The following HECA variants were observed in gnomAD, a reference collection of about 807,000 sequenced individuals.
The protein encoded by HECA is HECA ribonucleoprotein granule regulator, also known as headcase protein homolog.
A neutral mutation model predicts 37.6 loss-of-function variants in HECA; 13 were observed. The observed-to-expected ratio is 0.35, with a 90% CI of 0.23 to 0.55. HECA has a LOEUF of 0.55. Ranked by LOEUF, HECA falls within the 20% of genes least tolerant of loss-of-function variation. The probability of loss-of-function intolerance (pLI) is 0.90; values close to 1 mark genes in which losing one functional copy is unlikely to be tolerated. For synonymous variants in HECA, 307 were observed against 291.5 expected, an observed-to-expected ratio of 1.05 and a Z score of -0.54; for missense variants, 527 against 701.9, an observed-to-expected ratio of 0.75 and a Z score of 2.82.
intron 1 of HECA, among the ~76,000 whole-genome samples, chr6:139,161,213 G>C: frequency 6.6e-6 from 1 of 152,154 alleles, no homozygotes; most frequent in East Asian, 1.9e-4. Flanking sequence ...CATTTTGCCT[G>C]TCTCCCTGGG....
At position 139,179,088 on chromosome 6, in the gene HECA, G is replaced by C. The variant is rs1775097251; in HGVS notation, c.*1983G>C. 6.6e-6 allele frequency: 1 copy of C among 152,142 alleles called. No individual in the cohort carries two copies. Among genetic ancestry groups the C allele is most frequent in the South Asian group, 2.1e-4 (1 of 4,830 alleles). The allele number at this position is 152,142 out of a possible 1,614,324, so 9.4% of individuals were successfully genotyped here. ...GAAAGTCATTGAACTGACAGTGTTT[G>C]ATGCAACTAAAAGAGGATTGTAAGA... On this transcript the variant is annotated 3_prime_UTR_variant, in exon 4 of 4. Coordinates refer to ENST00000367658, the MANE Select transcript of HECA (RefSeq NM_016217.3).
At chr6:139,162,910 C>T (rs899686589) in intron 1 of HECA, among the ~76,000 whole-genome samples, 8 of 152,132 alleles carry the variant, frequency 5.3e-5, no homozygotes, top group Admixed American at 2.6e-4. Flanking sequence ...TAAGGCTCAG[C>T]CTCTGCTGTC....
intron 1 of HECA, among the ~76,000 whole-genome samples, chr6:139,137,460 T>C (rs1342742395): frequency 2.0e-5 from 3 of 152,184 alleles, no homozygotes; most frequent in Non-Finnish European, 2.9e-5. Flanking sequence ...TGAACAATGA[T>C]GACAGCTTTC....
chr6:139,140,503 T>C (rs986757861), intron 1 of HECA, among the ~76,000 whole-genome samples: 25 of 152,356 alleles, frequency 1.6e-4, no homozygotes, highest in Non-Finnish European at 2.8e-4. Flanking sequence ...TGGTGCTCTA[T>C]GCGCAGTCTC....
intron 1 of HECA, among the ~76,000 whole-genome samples, chr6:139,150,747 G>C (rs571307790): frequency 6.6e-6 from 1 of 151,946 alleles, no homozygotes; most frequent in Non-Finnish European, 1.5e-5. Flanking sequence ...TTTGAGAATG[G>C]TCATACCATA....
chr6:139,176,827 A>G lies in HECA; in HGVS notation c.1468-114A>G, dbSNP rs1297500379. 1 of 682,344 alleles carries G rather than the reference A, an allele frequency of 1.5e-6. No individual in the cohort carries two copies. The highest frequency in any genetic ancestry group is 1.8e-5 in the African/African-American group (1 of 56,330). 42.3% of individuals were successfully genotyped at this position (682,344 alleles called of 1,614,324 possible). Reference sequence around the variant, plus strand: ...CCCCGTTTCCATGTTTTTGGTAGTAAAAGGGATGCTTTGCAAAGCCCTTGA... The same window carrying G: ...CCCCGTTTCCATGTTTTTGGTAGTAGAAGGGATGCTTTGCAAAGCCCTTGA... On this transcript the variant is annotated intron_variant, in intron 3 of 3. Coordinates refer to ENST00000367658, the MANE Select transcript of HECA (RefSeq NM_016217.3). This position sits in a 1 kb window ranked among gnomAD's most constrained non-coding sequence, Gnocchi z 4.5.
At position 139,147,529 on chromosome 6, in the gene HECA, G is replaced by T. The variant is rs576209988; in HGVS notation, c.271+11862G>T. On this transcript the variant is annotated intron_variant, in intron 1 of 3. Transcript: ENST00000367658. ...AGTCCCAGCTACTCGGGAGGCTGAGGTGGGAGGATCGCTTGAGCCCAGGAG... is the reference window on the plus strand; with the variant it reads ...AGTCCCAGCTACTCGGGAGGCTGAGTTGGGAGGATCGCTTGAGCCCAGGAG... Among the ~76,000 whole-genome samples the T allele has an allele frequency of 1.4e-3, 211 of 152,288 alleles. 7 individuals carry two copies. The South Asian group carries it at 0.041, about 30-fold the overall frequency.
rs181815548 is a variant in HECA, at chr6:139,179,173, C to T, written c.*2068C>T. ...AGCTGTAGTGGTGAATTAACTATCT[C>T]CTTATTGATTCTCTCCTGTACCCAG... On this transcript the variant is annotated 3_prime_UTR_variant, in exon 4 of 4. Coordinates refer to ENST00000367658, the MANE Select transcript of HECA (RefSeq NM_016217.3). The T allele has an allele frequency of 2.3e-4, 35 of 152,298 alleles. No individual in the cohort carries two copies. Among genetic ancestry groups the T allele is most frequent in the Non-Finnish European group, 4.0e-4 (27 of 68,018 alleles). 9.4% of individuals were successfully genotyped at this position (152,298 alleles called of 1,614,324 possible). A position where few individuals can be genotyped will look rare whatever the true frequency, so the allele number is the denominator to read the frequency against.
intron 1 of HECA, among the ~76,000 whole-genome samples, chr6:139,148,647 T>C (rs1774612814): frequency 6.6e-6 from 1 of 152,096 alleles, no homozygotes; most frequent in Admixed American, 6.5e-5. Context: ...ATGCCTCTTA[T>C]CCCAGCTACT....
At chr6:139,165,194 C>T (rs543701686) in intron 1 of HECA, among the ~76,000 whole-genome samples, 6 of 152,316 alleles carry the variant, frequency 3.9e-5, no homozygotes, top group Non-Finnish European at 7.4e-5. Flanking sequence ...CACTTTTACA[C>T]GGCTAGTATC....
intron 2 of HECA, among the ~76,000 whole-genome samples, chr6:139,171,153 T>A (rs1486496034): frequency 6.6e-6 from 1 of 152,046 alleles, no homozygotes; most frequent in East Asian, 1.9e-4. Flanking sequence ...AATAAGCATT[T>A]GGGTTGAACA....
In HECA at chr6:139,135,240, C is replaced by A; in HGVS notation, c.-157C>A. ...AGAGGGCGCGGCGGCCAGGATGGCGCGGCACGGGCCGTGCGGCTAGACGGG... is the reference window on the plus strand; with the variant it reads ...AGAGGGCGCGGCGGCCAGGATGGCGAGGCACGGGCCGTGCGGCTAGACGGG... On this transcript the variant is annotated 5_prime_UTR_variant, in exon 1 of 4. Coordinates refer to ENST00000367658, the MANE Select transcript of HECA (RefSeq NM_016217.3). The A allele has an allele frequency of 3.9e-6, 2 of 508,242 alleles. No individual in the cohort carries two copies. The highest frequency in any genetic ancestry group is 5.4e-6 in the Non-Finnish European group (2 of 373,058). 31.5% of individuals were successfully genotyped at this position (508,242 alleles called of 1,614,324 possible).
chr6:139,151,422 A>G (rs528626316), intron 1 of HECA: 2 of 151,878 alleles, frequency 1.3e-5, no homozygotes, highest in South Asian at 2.1e-4. Flanking sequence ...TGTTAACTCA[A>G]TCCGTTTAAC....
At chr6:139,160,223 AAT>A (rs1291092781) in intron 1 of HECA, among the ~76,000 whole-genome samples, 1 of 152,184 alleles carries the variant, frequency 6.6e-6, no homozygotes, top group Non-Finnish European at 1.5e-5. Context: ...ATGAACCTAA[AAT>A]ACAGGCCTTG....
At chr6:139,158,578 G>A (rs1206999725) in intron 1 of HECA, among the ~76,000 whole-genome samples, 3 of 151,316 alleles carry the variant, frequency 2.0e-5, no homozygotes, top group Non-Finnish European at 4.4e-5. Context: ...TGCTGAGGTG[G>A]GAGGATGGCT....
intron 1 of HECA, 129 bp downstream of exon 1, chr6:139,135,796 G>C (rs1350682613): frequency 3.6e-6 from 1 of 280,206 alleles, no homozygotes; most frequent in Non-Finnish European, 5.4e-6. Flanking sequence ...CCGCCCCTCC[G>C]CCCCGCCGCG....
chr6:139,164,154 A>G (rs9403048), intron 1 of HECA, among the ~76,000 whole-genome samples: 129,548 of 151,872 alleles, frequency 0.85, 56,126 homozygotes, highest in African/African-American at 0.96. Context: ...TTCTCAACCC[A>G]CAGCACCCTC....
intron 1 of HECA, among the ~76,000 whole-genome samples, chr6:139,142,052 G>T (rs2327922): frequency 1.3e-5 from 2 of 149,284 alleles, no homozygotes; most frequent in Non-Finnish European, 3.0e-5. Flanking sequence ...TCAGCCTCCC[G>T]AGTAGCTGGG....
intron 1 of HECA, among the ~76,000 whole-genome samples, chr6:139,163,044 C>T (rs1388222723): frequency 5.9e-5 from 9 of 152,172 alleles, no homozygotes; most frequent in East Asian, 5.8e-4. Context: ...CCATCATTCC[C>T]GCTGGAGCTG....
Sources: gnomAD v4.1 joint callset for allele counts (sites outside exome capture counted in the v4.1 genomes callset) on GRCh38, gnomAD v4.1.1 for gene constraint, Gnocchi (gnomAD v3.1) non-coding constraint, MANE v1.5 for transcripts, NCBI Gene and HGNC (gene_info 2026-07-23, HGNC 2026-07-21) for gene names.